TMTC1: variants seen among roughly 807,000 people sequenced by gnomAD.
The protein encoded by TMTC1 is protein O-mannosyl-transferase TMTC1.
A neutral mutation model predicts 104.8 loss-of-function variants in TMTC1; 73 were observed. The observed-to-expected ratio is 0.70, with a 90% CI of 0.58 to 0.85. The LOEUF (loss-of-function observed/expected upper bound fraction) is 0.85, where lower values mean the gene tolerates loss of function less well. Among genes scored for constraint, TMTC1 ranks in the 40% least tolerant of loss-of-function variants. TMTC1 has a pLI of 0.00. For synonymous variants in TMTC1, 434 were observed against 428.7 expected, an observed-to-expected ratio of 1.01 and a Z score of -0.15; for missense variants, 1,035 against 1,096.1, an observed-to-expected ratio of 0.94 and a Z score of 0.79.
chr12:29,680,671 C>G (rs1940883861), intron 5 of TMTC1, among the ~76,000 whole-genome samples: 1 of 152,074 alleles, frequency 6.6e-6, no homozygotes, highest in Admixed American at 6.6e-5. Flanking sequence ...ATTTGGGCTT[C>G]CCTGAATGTG....
chr12:29,574,735 A>T (rs1312136472), intron 8 of TMTC1, among the ~76,000 whole-genome samples: 2 of 152,338 alleles, frequency 1.3e-5, no homozygotes, highest in Admixed American at 1.3e-4. Context: ...CTACTGGATT[A>T]GGGCCTCACC....
intron 6 of TMTC1, among the ~76,000 whole-genome samples, chr12:29,618,716 T>A (rs1947054697): frequency 6.6e-6 from 1 of 152,160 alleles, no homozygotes; most frequent in African/African-American, 2.4e-5. Context: ...AGGCTTTTTG[T>A]CTAGAGGGAC....
chr12:29,599,946 GTA>G (rs1185226522), intron 7 of TMTC1, among the ~76,000 whole-genome samples: 3 of 145,324 alleles, frequency 2.1e-5, no homozygotes, highest in Non-Finnish European at 3.0e-5. Flanking sequence ...ATATGTGTGT[GTA>G]TATATATGTG....
At chr12:29,635,823 T>C (rs1938522904) in intron 5 of TMTC1, among the ~76,000 whole-genome samples, 1 of 152,196 alleles carries the variant, frequency 6.6e-6, no homozygotes, top group Non-Finnish European at 1.5e-5. Flanking sequence ...GGGCCCAGAT[T>C]CTTAAACAAG....
chr12:29,580,283 C>T (rs1406226669), intron 8 of TMTC1, among the ~76,000 whole-genome samples: 1 of 152,128 alleles, frequency 6.6e-6, no homozygotes, highest in Non-Finnish European at 1.5e-5. Context: ...CACGCCACTA[C>T]ACCCCAGCCT....
At chr12:29,626,587 C>T (rs1025262154) in intron 6 of TMTC1, among the ~76,000 whole-genome samples, 1 of 152,092 alleles carries the variant, frequency 6.6e-6, no homozygotes, top group Non-Finnish European at 1.5e-5. Flanking sequence ...ACTGGATAAG[C>T]ACATGCAAAA....
rs893856720 is a variant in TMTC1, at chr12:29,608,305, C to T, written c.1129-4006G>A. Reference sequence around the variant, plus strand: ...CTAAATAATTTATAGCTTCTTTTAGCCTAGTAGATTCAATAATACCCTAAC... The same window carrying T: ...CTAAATAATTTATAGCTTCTTTTAGTCTAGTAGATTCAATAATACCCTAAC... On this transcript the variant is annotated intron_variant, in intron 6 of 17. Transcript: ENST00000539277. Among the ~76,000 whole-genome samples the T allele has an allele frequency of 8.1e-4, 123 of 152,200 alleles. 1 individual carries two copies. Among genetic ancestry groups the T allele is most frequent in the Non-Finnish European group, 2.4e-4 (16 of 68,016 alleles).
intron 1 of TMTC1, among the ~76,000 whole-genome samples, chr12:29,776,913 G>C (rs1943722475): frequency 6.6e-6 from 1 of 152,200 alleles, no homozygotes; most frequent in Non-Finnish European, 1.5e-5. Context: ...TTTGGCCTGT[G>C]CAAAGAACAA....
intron 7 of TMTC1, among the ~76,000 whole-genome samples, chr12:29,596,433 T>C (rs181091630): frequency 6.6e-6 from 1 of 152,354 alleles, no homozygotes; most frequent in Non-Finnish European, 1.5e-5. Flanking sequence ...TGTTCCCTAG[T>C]GTAAAAATGC....
intron 5 of TMTC1, among the ~76,000 whole-genome samples, chr12:29,714,112 G>C (rs769716028): frequency 6.6e-6 from 1 of 152,162 alleles, no homozygotes; most frequent in Non-Finnish European, 1.5e-5. Flanking sequence ...AACTGTGATA[G>C]AATTAATTTC....
chr12:29,746,245 C>A (rs1208600433), intron 5 of TMTC1, among the ~76,000 whole-genome samples: 2 of 152,106 alleles, frequency 1.3e-5, no homozygotes, highest in Non-Finnish European at 2.9e-5. Flanking sequence ...ACCTCTTATT[C>A]AGTCATTTCA....
Position 29,511,768 on chromosome 12 carries a change from C to T in TMTC1, c.2508+275G>A, listed in dbSNP as rs376194356. 4.9e-4 allele frequency among the ~76,000 whole-genome samples: 74 copies of T among 152,194 alleles called. No individual in the cohort carries two copies. The Middle Eastern group carries it at 0.01, about 21-fold the overall frequency. Reference sequence around the variant, plus strand: ...AGATTTTACCTGCTGTGGGATACTTCCATTAGGTACATATGATTTTCTTCA... The same window carrying T: ...AGATTTTACCTGCTGTGGGATACTTTCATTAGGTACATATGATTTTCTTCA... On this transcript the variant is annotated intron_variant, in intron 17 of 17. Transcript: ENST00000539277.
chr12:29,544,285 C>T (rs299459), intron 10 of TMTC1, among the ~76,000 whole-genome samples: 113,551 of 150,676 alleles, frequency 0.75, 42,931 homozygotes, highest in Middle Eastern at 0.87. Context: ...ACTCATTAGA[C>T]AGAGTGGCGC....
intron 7 of TMTC1, among the ~76,000 whole-genome samples, chr12:29,587,212 T>G (rs549678933): frequency 2.0e-5 from 3 of 152,240 alleles, no homozygotes; most frequent in African/African-American, 7.2e-5. Context: ...GATTTTCTAA[T>G]TTACTTGCGT....
Position 29,767,868 on chromosome 12 carries a change from G to A in TMTC1, c.480+30C>T, listed in dbSNP as rs546632024. 174 of 1,596,142 alleles carry A rather than the reference G, an allele frequency of 1.1e-4. 5 individuals carry two copies. The South Asian group carries it at 1.6e-3, about 14-fold the overall frequency. On this transcript the variant is annotated intron_variant, in intron 2 of 17. Transcript: ENST00000539277. ...CGTATACATACACACATTCATATTC[G>A]TTATTTCACTGAGATCCAATTACAC...
intron 5 of TMTC1, among the ~76,000 whole-genome samples, chr12:29,676,570 C>T (rs1940731984): frequency 6.6e-6 from 1 of 152,190 alleles, no homozygotes; most frequent in Admixed American, 6.5e-5. Flanking sequence ...TGCATTCCTG[C>T]CATAGTCAGT....
chr12:29,529,545 T>C (rs1944441575), intron 11 of TMTC1, among the ~76,000 whole-genome samples: 4 of 152,180 alleles, frequency 2.6e-5, no homozygotes, highest in African/African-American at 9.6e-5. Context: ...AATATTGTAA[T>C]AGTAATTACA....
At chr12:29,522,815 G>A (rs778976906) in intron 11 of TMTC1, among the ~76,000 whole-genome samples, 9 of 152,162 alleles carry the variant, frequency 5.9e-5, no homozygotes, top group Admixed American at 1.3e-4. Flanking sequence ...CCCACCATGT[G>A]CCCCAACTGT....
intron 1 of TMTC1, among the ~76,000 whole-genome samples, chr12:29,770,116 G>A (rs1030453857): frequency 6.6e-6 from 1 of 151,280 alleles, no homozygotes; most frequent in African/African-American, 2.4e-5. Context: ...AATAAATTTG[G>A]ATCACAAATA....
Sources: gnomAD v4.1 joint callset for allele counts (sites outside exome capture counted in the v4.1 genomes callset) on GRCh38, gnomAD v4.1.1 for gene constraint, MANE v1.5 for transcripts, NCBI Gene and HGNC (gene_info 2026-07-23, HGNC 2026-07-21) for gene names.